Variants in SLAIN2 observed in about 807,000 individuals in gnomAD.
SLAIN2 encodes the protein SLAIN motif-containing protein 2.
In SLAIN2, 31 loss-of-function variants were observed where a neutral mutation model predicts 56.6. The ratio of observed to expected loss-of-function variants is 0.55; its 90% CI spans 0.41 to 0.74. The LOEUF (loss-of-function observed/expected upper bound fraction) is 0.74. SLAIN2 is among the 30% of genes least tolerant of loss of function. The pLI, the probability that SLAIN2 is intolerant of heterozygous loss-of-function variation, is 0.00. For synonymous variants in SLAIN2, 317 were observed against 284.9 expected (o/e 1.11, Z -1.13); for missense variants, 777 against 754.2 (o/e 1.03, Z -0.35).
At chr4:48,385,609 A>G (rs1716078875) in intron 6 of SLAIN2, among the ~76,000 whole-genome samples, 1 of 150,364 alleles carries the variant, frequency 6.7e-6, no homozygotes, top group Admixed American at 6.6e-5. Context: ...AAGATATTTA[A>G]CCCTTTTTTC....
chr4:48,353,297 G>A (rs1715060751), intron 1 of SLAIN2, among the ~76,000 whole-genome samples: 1 of 152,068 alleles, frequency 6.6e-6, no homozygotes, highest in Non-Finnish European at 1.5e-5. Flanking sequence ...TGGAATGAAT[G>A]GTCACCCAAG....
At chr4:48,390,685 T>G (rs772813134) in intron 6 of SLAIN2, among the ~76,000 whole-genome samples, 6 of 152,212 alleles carry the variant, frequency 3.9e-5, no homozygotes, top group Non-Finnish European at 5.9e-5. Context: ...TGAAGTTACA[T>G]TGATCATTTT....
intron 1 of SLAIN2, among the ~76,000 whole-genome samples, chr4:48,363,613 G>A (rs1337048949): frequency 1.9e-5 from 2 of 102,820 alleles, no homozygotes; most frequent in East Asian, 3.2e-4. Context: ...CTGGCCGGGC[G>A]GGGGGCTGAC....
intron 6 of SLAIN2, among the ~76,000 whole-genome samples, chr4:48,384,830 A>G (rs1716061121): frequency 6.6e-6 from 1 of 152,196 alleles, no homozygotes; most frequent in Admixed American, 6.5e-5. Flanking sequence ...CTGCAGTATT[A>G]CACAATAAAA....
chr4:48,360,867 GCGA>G (rs2109743994), intron 1 of SLAIN2, among the ~76,000 whole-genome samples: 1 of 152,224 alleles, frequency 6.6e-6, no homozygotes, highest in African/African-American at 2.4e-5. Context: ...CATACAATCT[GCGA>G]TGTTTTGTGA....
At chr4:48,385,836 C>CAT in intron 6 of SLAIN2, among the ~76,000 whole-genome samples, 1 of 151,940 alleles carries the variant, frequency 6.6e-6, no homozygotes, top group East Asian at 1.9e-4. Context: ...TAGCTGACTT[C>CAT]ATATACTTCA....
At chr4:48,373,446 C>A (rs1316081369) in intron 2 of SLAIN2, among the ~76,000 whole-genome samples, 1 of 152,110 alleles carries the variant, frequency 6.6e-6, no homozygotes, top group East Asian at 1.9e-4. Context: ...TGTCTAGTAT[C>A]ACCTCTGTTG....
intron 6 of SLAIN2, among the ~76,000 whole-genome samples, chr4:48,399,516 C>A (rs1716492722): frequency 6.6e-6 from 1 of 152,118 alleles, no homozygotes; most frequent in African/African-American, 2.4e-5. Context: ...ACCTGATTGC[C>A]CTGACCAGAC....
Position 48,398,340 on chromosome 4 carries a change from T to A in SLAIN2, c.1360+14556T>A, listed in dbSNP as rs151025833. 2.6e-5 allele frequency among the ~76,000 whole-genome samples: 4 copies of A among 152,232 alleles called. No homozygotes were observed. The East Asian group carries it at 7.7e-4, about 29-fold the overall frequency. ...GTTCTTTGCCTACTTTTTAATAGGG[T>A]TGTTTGTTTTTTTCTTGTAAATTTG... On this transcript the variant is annotated intron_variant, in intron 6 of 7. Coordinates refer to ENST00000264313, the MANE Select transcript of SLAIN2 (RefSeq NM_020846.2).
intron 6 of SLAIN2, among the ~76,000 whole-genome samples, chr4:48,407,589 C>A (rs146773896): frequency 4.6e-4 from 70 of 152,204 alleles, no homozygotes; most frequent in African/African-American, 1.6e-3. Flanking sequence ...TTTTTCTAAA[C>A]ACTTAGCTTG....
chr4:48,410,661 T>C (rs1370571917), intron 6 of SLAIN2, among the ~76,000 whole-genome samples: 1 of 152,170 alleles, frequency 6.6e-6, no homozygotes, highest in Non-Finnish European at 1.5e-5. Flanking sequence ...CCTCCCCATC[T>C]GGCCTGCAGC....
intron 1 of SLAIN2, among the ~76,000 whole-genome samples, chr4:48,357,375 C>A (rs1009772566): frequency 1.4e-5 from 2 of 147,290 alleles, no homozygotes; most frequent in African/African-American, 5.0e-5. Flanking sequence ...ATATTTAAGT[C>A]TTTTTTTTTT....
intron 2 of SLAIN2, among the ~76,000 whole-genome samples, chr4:48,372,276 G>A (rs1173357655): frequency 6.6e-6 from 1 of 152,086 alleles, no homozygotes; most frequent in Non-Finnish European, 1.5e-5. Context: ...CTTATAAGAG[G>A]AGTCAGACAG....
At chr4:48,351,189 C>G (rs1388949810) in intron 1 of SLAIN2, among the ~76,000 whole-genome samples, 2 of 152,150 alleles carry the variant, frequency 1.3e-5, no homozygotes, top group Non-Finnish European at 2.9e-5. Context: ...AGGAGTGGGC[C>G]AAGCTAGTCT....
intron 6 of SLAIN2, among the ~76,000 whole-genome samples, chr4:48,405,492 C>T (rs1716669696): frequency 6.6e-6 from 1 of 152,110 alleles, no homozygotes; most frequent in Admixed American, 6.5e-5. Context: ...TTCTTACAGG[C>T]TGAACTTTGC....
At chr4:48,367,352 A>T (rs1715547507) in intron 1 of SLAIN2, among the ~76,000 whole-genome samples, 1 of 152,236 alleles carries the variant, frequency 6.6e-6, no homozygotes, top group African/African-American at 2.4e-5. Flanking sequence ...CCCAGGGCTT[A>T]CTGAATCATT....
chr4:48,398,543 T>C (rs1716469241), intron 6 of SLAIN2, among the ~76,000 whole-genome samples: 1 of 152,258 alleles, frequency 6.6e-6, no homozygotes, highest in African/African-American at 2.4e-5. Context: ...CAATTGCTTT[T>C]GGCATTTTCA....
chr4:48,366,140 GATTTCTAATTTA>G (rs1266032209), intron 1 of SLAIN2, among the ~76,000 whole-genome samples: 52 of 152,264 alleles, frequency 3.4e-4, no homozygotes, highest in African/African-American at 1.1e-3. Context: ...TTCTGTTGCT[GATTTCTAATTTA>G]ATTCCACTGT....
At chr4:48,351,027 C>T (rs1295249544) in intron 1 of SLAIN2, among the ~76,000 whole-genome samples, 1 of 152,242 alleles carries the variant, frequency 6.6e-6, no homozygotes, top group Non-Finnish European at 1.5e-5. Flanking sequence ...TCTCCCACTT[C>T]TGCAGTGTAC....
Sources: allele counts gnomAD v4.1 joint callset (sites outside exome capture counted in the v4.1 genomes callset), GRCh38; gene constraint gnomAD v4.1.1; transcripts MANE v1.5; gene names NCBI Gene and HGNC (gene_info 2026-07-23, HGNC 2026-07-21).